DPP8: variants seen among roughly 807,000 people sequenced by gnomAD.
DPP8 encodes the protein DPP VIII.
Under a neutral mutation model 107.5 loss-of-function variants are expected in DPP8, and 31 were observed. The ratio of observed to expected loss-of-function variants is 0.29; its 90% CI spans 0.22 to 0.39. The LOEUF (loss-of-function observed/expected upper bound fraction) is 0.39, where lower values mean the gene tolerates loss of function less well. DPP8 is among the 10% of genes least tolerant of loss of function. The probability of loss-of-function intolerance (pLI) is 1.00; values close to 1 mark genes in which losing one functional copy is unlikely to be tolerated. For missense variants in DPP8, 842 were observed against 1,076.1 expected (o/e 0.78, Z 3.04); for synonymous variants, 381 against 356.6 (o/e 1.07, Z -0.77).
intron 12 of DPP8, among the ~76,000 whole-genome samples, chr15:65,471,230 A>C (rs1399313563): frequency 1.3e-5 from 2 of 152,196 alleles, no homozygotes; most frequent in Admixed American, 6.5e-5. Context: ...AACAGAAAAA[A>C]ATATTTGGAA....
In DPP8 at chr15:65,512,556, T is replaced by C; in HGVS notation, c.-3A>G. 6.2e-7 allele frequency: 1 copy of C among 1,614,086 alleles called. No individual in the cohort carries two copies. The highest frequency in any genetic ancestry group is 8.5e-7 in the Non-Finnish European group (1 of 1,179,998). Reference sequence around the variant, plus strand: ...TCTGTTTCCATTGCTGCTGCCATGTTGCATTTTCCTAGAAAAACAAGGCAC... The same window carrying C: ...TCTGTTTCCATTGCTGCTGCCATGTCGCATTTTCCTAGAAAAACAAGGCAC... On this transcript the variant is annotated 5_prime_UTR_variant, in exon 2 of 20. Transcript: ENST00000300141.
At chr15:65,488,289 A>C (rs747187086) in intron 6 of DPP8, among the ~76,000 whole-genome samples, 2 of 152,194 alleles carry the variant, frequency 1.3e-5, no homozygotes, top group African/African-American at 2.4e-5. Flanking sequence ...GACATGGCTT[A>C]AAAGTATTTT....
intron 16 of DPP8, chr15:65,455,774 A>T: frequency 7.8e-7 from 1 of 1,288,414 alleles, no homozygotes; most frequent in South Asian, 1.2e-5. Flanking sequence ...GGAACATCGG[A>T]TTCTCATCAT....
chr15:65,498,149 T>C, intron 4 of DPP8, 117 bp from the exon 5 acceptor site: 1 of 777,302 alleles, frequency 1.3e-6, no homozygotes, highest in Non-Finnish European at 1.9e-6. Context: ...AGGCCGGGCG[T>C]GGTGACTTAC....
chr15:65,470,398 G>A (rs2065772082), intron 12 of DPP8, among the ~76,000 whole-genome samples: 1 of 151,612 alleles, frequency 6.6e-6, no homozygotes. Context: ...GTGAGGTCAG[G>A]AGTTCTAGAC....
At chr15:65,513,865 T>C (rs1353052858) in intron 1 of DPP8, among the ~76,000 whole-genome samples, 5 of 152,220 alleles carry the variant, frequency 3.3e-5, no homozygotes, top group African/African-American at 4.8e-5. Context: ...TTCCAACATA[T>C]ATTATTCATG....
chr15:65,469,653 C>CAAA (rs61311948), intron 12 of DPP8, among the ~76,000 whole-genome samples: 19 of 66,452 alleles, frequency 2.9e-4, no homozygotes, highest in African/African-American at 7.2e-4. Context: ...AACTCCGTCT[C>CAAA]AAAAAAAAAA....
At chr15:65,486,286 C>T (rs75870219) in intron 7 of DPP8, among the ~76,000 whole-genome samples, 30,504 of 151,158 alleles carry the variant, frequency 0.2, 3,381 homozygotes, top group African/African-American at 0.29. Flanking sequence ...CCTGTAATCC[C>T]AGCTACTCGG....
rs1030601746 is a variant in DPP8, at chr15:65,454,561, C to G, written c.2119-146G>C. 147 of 682,132 alleles carry G rather than the reference C, an allele frequency of 2.2e-4. 3 individuals carry two copies. In the South Asian group the frequency reaches 3.2e-3, roughly 15 times the overall value. The allele number at this position is 682,132 out of a possible 1,614,324, so 42.3% of individuals were successfully genotyped here. A position where few individuals can be genotyped will look rare whatever the true frequency, so the allele number is the denominator to read the frequency against. ...TTATTTTTTGAGATGGAGTCTCACT[C>G]TGTCACCCAGGCTGGAGTGCAATGA... On this transcript the variant is annotated intron_variant, in intron 16 of 19. Coordinates refer to ENST00000300141, the MANE Select transcript of DPP8 (RefSeq NM_130434.5).
intron 5 of DPP8, among the ~76,000 whole-genome samples, chr15:65,493,505 C>G (rs959513055): frequency 1.8e-4 from 27 of 152,152 alleles, no homozygotes; most frequent in African/African-American, 6.3e-4. Flanking sequence ...AGGCACACTA[C>G]ACAGATAAGC....
intron 1 of DPP8, among the ~76,000 whole-genome samples, chr15:65,514,202 A>C (rs749471835): frequency 2.0e-5 from 3 of 152,242 alleles, no homozygotes; most frequent in Admixed American, 6.5e-5. Flanking sequence ...TTCATGCTAC[A>C]GTTACCTATG....
chr15:65,460,267 C>A (rs1157293402), intron 15 of DPP8, among the ~76,000 whole-genome samples: 1 of 151,920 alleles, frequency 6.6e-6, no homozygotes, highest in Non-Finnish European at 1.5e-5. Context: ...CATGGTGAAA[C>A]CCTGTCTCTA....
chr15:65,474,753 G>C (rs1206810724), intron 11 of DPP8, among the ~76,000 whole-genome samples: 1 of 152,196 alleles, frequency 6.6e-6, no homozygotes, highest in Non-Finnish European at 1.5e-5. Context: ...ACAGGCATGG[G>C]CCTGAATTGT....
intron 2 of DPP8, among the ~76,000 whole-genome samples, chr15:65,511,041 G>C (rs1226266889): frequency 6.6e-6 from 1 of 152,048 alleles, no homozygotes; most frequent in Non-Finnish European, 1.5e-5. Flanking sequence ...CTTTGAAAGG[G>C]GAGTTCAGTA....
intron 17 of DPP8, among the ~76,000 whole-genome samples, chr15:65,453,902 G>C (rs1468927742): frequency 6.6e-6 from 1 of 152,104 alleles, no homozygotes; most frequent in East Asian, 1.9e-4. Flanking sequence ...GAGGTCAGGA[G>C]TTTGAGACCA....
At chr15:65,502,631 T>A (rs574527449) in intron 3 of DPP8, 4 of 151,178 alleles carry the variant, frequency 2.6e-5, no homozygotes, top group African/African-American at 9.7e-5. Flanking sequence ...TGAGCCAAGA[T>A]CACGCCACTG....
intron 17 of DPP8, among the ~76,000 whole-genome samples, chr15:65,452,939 C>A (rs1232556191): frequency 6.6e-6 from 1 of 152,006 alleles, no homozygotes; most frequent in Non-Finnish European, 1.5e-5. Context: ...ACACTGCATT[C>A]CAGCCTGGGT....
At chr15:65,512,753 A>G (rs1159200572) in intron 1 of DPP8, 189 bp from the exon 2 acceptor site, 1 of 607,268 alleles carries the variant, frequency 1.6e-6, no homozygotes, top group Non-Finnish European at 2.8e-6. Context: ...TTAAAAATGA[A>G]ATTAAAAAAA....
At chr15:65,467,000 A>G in intron 13 of DPP8, 71 bp downstream of exon 13, 1 of 1,563,370 alleles carries the variant, frequency 6.4e-7, no homozygotes, top group East Asian at 2.3e-5. Flanking sequence ...ATTTCACATC[A>G]TTCAAAAGGA....
Sources: allele counts gnomAD v4.1 joint callset (sites outside exome capture counted in the v4.1 genomes callset), GRCh38; gene constraint gnomAD v4.1.1; transcripts MANE v1.5; gene names NCBI Gene and HGNC (gene_info 2026-07-23, HGNC 2026-07-21).